Variants in THTPA observed in about 807,000 individuals in gnomAD.
THTPA encodes the protein thiamine triphosphatase.
THTPA carries 16 observed loss-of-function variants against 16.5 expected under a neutral mutation model. The observed-to-expected ratio is 0.97, with a 90% CI of 0.66 to 1.47. THTPA has a LOEUF of 1.47. Ranked by LOEUF, THTPA falls within the 40% of genes most tolerant of loss-of-function variation. THTPA has a pLI of 0.00. For missense variants in THTPA, 281 were observed against 280.9 expected (o/e 1.00, Z 0.00); for synonymous variants, 110 against 115.5 (o/e 0.95, Z 0.30).
Position 23,557,064 on chromosome 14 carries a change from G to A in THTPA, c.307G>A (p.Ala103Thr), listed in dbSNP as rs770240958. ...GGTGCTGCGGGCTGACGGCCTGGGGGCTGGAGATGTGGCTGCTGTGCTGGG... is the reference window on the plus strand; with the variant it reads ...GGTGCTGCGGGCTGACGGCCTGGGGACTGGAGATGTGGCTGCTGTGCTGGG... ...CKVLRADGLGAGDVAAVLGPL... is the reference protein window; with the variant it reads ...CKVLRADGLGTGDVAAVLGPL... Residue 103 changes from alanine to threonine, a missense_variant, in exon 1 of 2, where the codon GCT becomes ACT. By Grantham distance (58) the Ala-to-Thr change is moderately conservative. Transcript: ENST00000288014. 10 of 1,614,272 alleles carry A rather than the reference G, an allele frequency of 6.2e-6. No homozygotes were observed. Among genetic ancestry groups the A allele is most frequent in the East Asian group, 4.5e-5 (2 of 44,894 alleles).
the THTPA span, chr14:23,524,171 AC>A: frequency 1.7e-5 from 26 of 1,533,808 alleles, no homozygotes; most frequent in Non-Finnish European, 2.2e-5. This position sits in a 1 kb window ranked among gnomAD's most constrained non-coding sequence, Gnocchi z 5.6. Flanking sequence ...TGGACTAGGC[AC>A]CCCCCCAGGG....
Position 23,556,775 on chromosome 14 carries a change from T to C in THTPA, c.18T>C (p.Ile6=). Residue 6 remains isoleucine, a synonymous_variant, in exon 1 of 2, where the codon ATT becomes ATC. Transcript: ENST00000288014. The stretch of plus-strand genomic sequence containing the variant: ...CAGGTAGCATGGCCCAGGGCTTGAT[T>C]GAGGTGGAGCGAAAGTTCCTTCCAG... MAQGL[I]EVERKFLPGP... is the part of the protein sequence containing the mutation. 1 of 1,613,460 alleles carries C rather than the reference T, an allele frequency of 6.2e-7. No individual in the cohort carries two copies. The highest frequency in any genetic ancestry group is 8.5e-7 in the Non-Finnish European group (1 of 1,179,762).
upstream of THTPA, among the ~76,000 whole-genome samples, chr14:23,553,970 G>A (rs533987287): frequency 9.6e-4 from 144 of 150,582 alleles, no homozygotes; most frequent in African/African-American, 3.3e-3. Flanking sequence ...AGGCTGAGGC[G>A]GGAGAATCAT....
At chr14:23,527,903 T>A in the THTPA span, 12 of 218,750 alleles carry the variant, frequency 5.5e-5, no homozygotes, top group Non-Finnish European at 8.3e-5. Context: ...CCCCACTCCT[T>A]TTTTTTTTTT....
Position 23,559,555 on chromosome 14 carries a change from T to G in THTPA, c.*715T>G, listed in dbSNP as rs538826551. 1.7e-6 allele frequency: 1 copy of G among 590,364 alleles called. No homozygotes were observed. Among genetic ancestry groups the G allele is most frequent in the African/African-American group, 1.9e-5 (1 of 53,668 alleles). The allele number at this position is 590,364 out of a possible 1,614,324, so 36.6% of individuals were successfully genotyped here. A position where few individuals can be genotyped will look rare whatever the true frequency, so the allele number is the denominator to read the frequency against. Reference sequence around the variant, plus strand: ...ATTCATACACACTTTCCACTTCAAATATACCCAAATATGGCTTTCCTCACT... The same window carrying G: ...ATTCATACACACTTTCCACTTCAAAGATACCCAAATATGGCTTTCCTCACT... On this transcript the variant is annotated 3_prime_UTR_variant, in exon 2 of 2. Transcript: ENST00000288014.
the THTPA span, chr14:23,527,512 A>G: frequency 4.1e-6 from 6 of 1,477,038 alleles, no homozygotes; most frequent in African/African-American, 8.4e-5. Flanking sequence ...CCCCCAACAC[A>G]TGCACCTGCC....
chr14:23,533,792 C>T, the THTPA span: 21 of 1,552,158 alleles, frequency 1.4e-5, no homozygotes, highest in South Asian at 8.2e-5. This position sits in a 1 kb window ranked among gnomAD's most constrained non-coding sequence, Gnocchi z 4.8. Flanking sequence ...TAGTTGCAGA[C>T]GTCACAGCGG....
the THTPA span, chr14:23,535,282 G>C: frequency 1.3e-6 from 2 of 1,486,696 alleles, no homozygotes; most frequent in African/African-American, 2.8e-5. The surrounding 1 kb of genome is among the most constrained non-coding windows in gnomAD (Gnocchi z 4.5). Context: ...GTGCCCAGGG[G>C]AGGGGGTGGT....
Position 23,559,390 on chromosome 14 carries a change from G to T in THTPA, c.*550G>T. The T allele has an allele frequency of 3.4e-6, 1 of 294,388 alleles. No homozygotes were observed. The highest frequency in any genetic ancestry group is 6.6e-6 in the Non-Finnish European group (1 of 152,190). The allele number at this position is 294,388 out of a possible 1,614,324, so 18.2% of individuals were successfully genotyped here. ...GTAGAGTGCCTCCTGTGGAAGTTTAGGGGCAAATTTGTTCCCTGACCTGGA... is the reference window on the plus strand; with the variant it reads ...GTAGAGTGCCTCCTGTGGAAGTTTATGGGCAAATTTGTTCCCTGACCTGGA... On this transcript the variant is annotated 3_prime_UTR_variant, in exon 2 of 2. Transcript: ENST00000288014.
At chr14:23,546,152 C>A in the THTPA span, among the ~76,000 whole-genome samples, 1 of 152,236 alleles carries the variant, frequency 6.6e-6, no homozygotes, top group Admixed American at 6.5e-5. The surrounding 1 kb of genome is among the most constrained non-coding windows in gnomAD (Gnocchi z 4.7). Context: ...CCAGACTCTC[C>A]ATGCATAAAC....
chr14:23,525,370 G>C, the THTPA span: 2 of 1,536,028 alleles, frequency 1.3e-6, no homozygotes, highest in African/African-American at 2.7e-5. The surrounding 1 kb of genome is among the most constrained non-coding windows in gnomAD (Gnocchi z 5.9). Flanking sequence ...GGTATAGGCT[G>C]TCATAGCTCT....
the THTPA span, chr14:23,535,088 G>C: frequency 1.3e-6 from 2 of 1,536,208 alleles, no homozygotes; most frequent in Non-Finnish European, 8.7e-7. The surrounding 1 kb of genome is among the most constrained non-coding windows in gnomAD (Gnocchi z 4.5). Context: ...CCACAGTCAG[G>C]CCCTTCCTGG....
the THTPA span, among the ~76,000 whole-genome samples, chr14:23,528,005 C>A: frequency 6.7e-6 from 1 of 149,678 alleles, no homozygotes; most frequent in Non-Finnish European, 1.5e-5. Flanking sequence ...CTTCCAGGTT[C>A]AAGCAATTCT....
At chr14:23,521,909 G>A in the THTPA span, 2 of 1,531,460 alleles carry the variant, frequency 1.3e-6, no homozygotes, top group Non-Finnish European at 8.7e-7. Context: ...CACCCCTTGG[G>A]GTAAAAGAGG....
At chr14:23,511,938 G>C in the THTPA span, 2 of 151,962 alleles carry the variant, frequency 1.3e-5, 1 homozygote, top group South Asian at 4.2e-4. Flanking sequence ...TCCTTCCCCC[G>C]CCCCAACCTG....
the THTPA span, among the ~76,000 whole-genome samples, chr14:23,550,913 C>G: frequency 1.3e-5 from 2 of 152,114 alleles, no homozygotes; most frequent in African/African-American, 4.8e-5. Context: ...CCGCCGAGAC[C>G]CAGGACCCTC....
At chr14:23,549,037 A>T in the THTPA span, among the ~76,000 whole-genome samples, 1 of 151,562 alleles carries the variant, frequency 6.6e-6, no homozygotes, top group Admixed American at 6.6e-5. Context: ...CTCTCTTCCC[A>T]TCTCATCTTG....
the THTPA span, chr14:23,533,645 T>C: frequency 6.5e-7 from 1 of 1,537,058 alleles, no homozygotes; most frequent in East Asian, 2.4e-5. This position sits in a 1 kb window ranked among gnomAD's most constrained non-coding sequence, Gnocchi z 4.8. Context: ...TTAGGCTCTT[T>C]GTCTCCCGCG....
At chr14:23,520,396 G>GC in the THTPA span, among the ~76,000 whole-genome samples, 37 of 59,236 alleles carry the variant, frequency 6.2e-4, no homozygotes, top group East Asian at 0.012. The surrounding 1 kb of genome is among the most constrained non-coding windows in gnomAD (Gnocchi z 8.7). Flanking sequence ...TGGGCCTCCA[G>GC]GGGGGCAGCA....
Sources: allele counts gnomAD v4.1 joint callset (sites outside exome capture counted in the v4.1 genomes callset), GRCh38; gene constraint gnomAD v4.1.1; non-coding constraint Gnocchi (gnomAD v3.1); transcripts MANE v1.5; gene names NCBI Gene and HGNC (gene_info 2026-07-23, HGNC 2026-07-21).